Variants in TRPM2 observed in about 807,000 individuals in gnomAD.
TRPM2 encodes transient receptor potential cation channel subfamily M member 2.
A neutral mutation model predicts 174.0 loss-of-function variants in TRPM2; 161 were observed. That is an observed-to-expected ratio of 0.93 (90% CI 0.81 to 1.05). The LOEUF is 1.05. Among genes scored for constraint, TRPM2 ranks in the 50% least tolerant of loss-of-function variants. TRPM2 has a pLI of 0.00. For synonymous variants in TRPM2, 954 were observed against 861.3 expected (o/e 1.11, Z -1.88); for missense variants, 2,057 against 2,038.0 (o/e 1.01, Z -0.18).
intron 27 of TRPM2, among the ~76,000 whole-genome samples, chr21:44,428,125 T>A (rs1314858645): frequency 1.3e-5 from 2 of 152,166 alleles, no homozygotes; most frequent in African/African-American, 2.4e-5. Flanking sequence ...CATGCTTCTG[T>A]TGTGGACTTG....
intron 28 of TRPM2, among the ~76,000 whole-genome samples, chr21:44,436,355 A>G (rs1439701121): frequency 6.6e-6 from 1 of 151,932 alleles, no homozygotes; most frequent in African/African-American, 2.4e-5. Flanking sequence ...CTTTGGCCTC[A>G]GGGTCCTCTT....
rs376562171 is a variant in TRPM2 at position 44,418,508 on chromosome 21, C to T, written c.3414C>T (p.Phe1138=). The change falls in exon 22 of 32, where the codon TTC becomes TTT. Residue 1138 remains phenylalanine (F), a synonymous_variant. Coordinates refer to ENST00000397928, the MANE Select transcript of TRPM2 (RefSeq NM_003307.4). ...LKENYLQNRQ[F]QQKQRPEQKI... is the part of the protein sequence containing the mutation. ...AGAACTACCTCCAGAACCGACAGTTCCAGCAAAAGCAGCGGCCCGAGCAGA... is the reference window on the plus strand; with the variant it reads ...AGAACTACCTCCAGAACCGACAGTTTCAGCAAAAGCAGCGGCCCGAGCAGA... 10 of 1,614,138 alleles carry T rather than the reference C, an allele frequency of 6.2e-6. No homozygotes were observed. The highest frequency in any genetic ancestry group is 8.5e-6 in the Non-Finnish European group (10 of 1,180,020).
At chr21:44,417,039 C>T (rs2050313590) in intron 20 of TRPM2, among the ~76,000 whole-genome samples, 1 of 98,172 alleles carries the variant, frequency 1.0e-5, no homozygotes, top group African/African-American at 4.4e-5. Context: ...GGCACGTGGG[C>T]ATGGCTCTGC....
Position 44,369,171 on chromosome 21 carries a change from C to T in TRPM2, c.605-6C>T. On this transcript the variant is annotated splice_polypyrimidine_tract_variant and splice_region_variant and intron_variant, in intron 4 of 31. Coordinates refer to ENST00000397928, the MANE Select transcript of TRPM2 (RefSeq NM_003307.4). ...TGGGGCCTGCCCACCCGTGCTCCTT[C>T]CCCAGGGGCCTGGATCATCACAGGG... The T allele has an allele frequency of 6.3e-7, 1 of 1,599,148 alleles. No homozygotes were observed. Among genetic ancestry groups the T allele is most frequent in the Non-Finnish European group, 8.5e-7 (1 of 1,171,978 alleles).
intron 5 of TRPM2, among the ~76,000 whole-genome samples, chr21:44,373,583 G>A (rs2048605315): frequency 9.4e-6 from 1 of 106,320 alleles, no homozygotes; most frequent in African/African-American, 2.9e-5. Context: ...TGCATTATAT[G>A]CGACCTGCAT....
At chr21:44,431,742 C>T (rs1042244695) in intron 27 of TRPM2, among the ~76,000 whole-genome samples, 2 of 152,218 alleles carry the variant, frequency 1.3e-5, no homozygotes, top group African/African-American at 4.8e-5. Flanking sequence ...TCCCAATGTG[C>T]TAGGATTACG....
At chr21:44,410,831 G>A (rs144914824) in intron 19 of TRPM2, among the ~76,000 whole-genome samples, 4,559 of 79,348 alleles carry the variant, frequency 0.057, 1,717 homozygotes, top group East Asian at 0.11. Context: ...CTTGGTGAGC[G>A]TAGCCTTGTA....
chr21:44,353,351 G>A, upstream of TRPM2: 1 of 192,144 alleles, frequency 5.2e-6, no homozygotes, highest in Non-Finnish European at 1.1e-5. Flanking sequence ...TGCACCCGTG[G>A]GGGAGGGAGC....
intron 16 of TRPM2, among the ~76,000 whole-genome samples, chr21:44,402,489 G>A (rs941408331): frequency 5.1e-4 from 77 of 152,076 alleles, no homozygotes; most frequent in Non-Finnish European, 2.1e-4. Flanking sequence ...AGAGGCTCGC[G>A]GGCCTTGGTG....
At chr21:44,436,967 ACTGCCCCGCCCCAGGCAGGGC>A in intron 28 of TRPM2, 74 bp from the exon 29 acceptor site, 1 of 1,106,914 alleles carries the variant, frequency 9.0e-7, no homozygotes. Context: ...TGGGCCTGAC[ACTGCCCCGCCCCAGGCAGGGC>A]CAGCCCCGCC....
At chr21:44,406,201 T>C (rs2146299212) in intron 18 of TRPM2, among the ~76,000 whole-genome samples, 164 bp downstream of exon 18, 1 of 152,210 alleles carries the variant, frequency 6.6e-6, no homozygotes, top group East Asian at 1.9e-4. Flanking sequence ...TCTCGTATCT[T>C]TGCCTGTACG....
chr21:44,397,192 C>G (rs2049455780), intron 12 of TRPM2, among the ~76,000 whole-genome samples: 1 of 151,990 alleles, frequency 6.6e-6, no homozygotes, highest in African/African-American at 2.4e-5. Flanking sequence ...GCATGTGCCA[C>G]CACGCCTGGC....
intron 5 of TRPM2, among the ~76,000 whole-genome samples, chr21:44,370,145 C>T (rs903620044): frequency 6.6e-6 from 1 of 152,108 alleles, no homozygotes; most frequent in Admixed American, 6.5e-5. Flanking sequence ...TAAGAGGGGT[C>T]CACGTGACAG....
Position 44,395,405 on chromosome 21 carries a change from GCT to G in TRPM2, c.1795-7_1795-6del. On this transcript the variant is annotated splice_polypyrimidine_tract_variant and splice_region_variant and intron_variant, in intron 11 of 31. Transcript: ENST00000397928. ...CCGGCTGGGGCTCTGACAGTTCACT[GCT>G]CACCAGGTGCAGGGAGTGAGCCTCC... 1 of 1,612,328 alleles carries G rather than the reference GCT, an allele frequency of 6.2e-7. No homozygotes were observed. Among genetic ancestry groups the G allele is most frequent in the Non-Finnish European group, 8.5e-7 (1 of 1,179,796 alleles).
chr21:44,364,051 T>G, intron 2 of TRPM2, 63 bp from the exon 3 acceptor site: 1 of 1,541,452 alleles, frequency 6.5e-7, no homozygotes, highest in East Asian at 2.3e-5. Context: ...CCTCCTCTGA[T>G]GCCTTCACAG....
At chr21:44,383,746 A>C (rs2048947510) in intron 9 of TRPM2, among the ~76,000 whole-genome samples, 1 of 152,262 alleles carries the variant, frequency 6.6e-6, no homozygotes, top group South Asian at 2.1e-4. Context: ...TGTGGAAACT[A>C]AACGACACTA....
At chr21:44,398,052 A>G (rs1249490544) in intron 13 of TRPM2, among the ~76,000 whole-genome samples, 176 bp downstream of exon 13, 2 of 152,026 alleles carry the variant, frequency 1.3e-5, no homozygotes, top group African/African-American at 2.4e-5. Context: ...CCCTGTAACC[A>G]CCCAGTGGGT....
intron 24 of TRPM2, 181 bp downstream of exon 24, chr21:44,425,120 G>A (rs985578156): frequency 2.0e-5 from 12 of 607,206 alleles, no homozygotes; most frequent in African/African-American, 1.1e-4. Flanking sequence ...CGACGCTGGC[G>A]CCGAGGCCCC....
Position 44,441,919 on chromosome 21 carries a change from C to T in TRPM2, c.*102C>T. The T allele has an allele frequency of 7.1e-7, 1 of 1,418,434 alleles. No homozygotes were observed. Among genetic ancestry groups the T allele is most frequent in the South Asian group, 1.7e-5 (1 of 60,472 alleles). 87.9% of individuals were successfully genotyped at this position (1,418,434 alleles called of 1,614,324 possible). On this transcript the variant is annotated 3_prime_UTR_variant, in exon 32 of 32. Transcript: ENST00000397928. ...CCAGGACTCAGGCTGTTCCTGGGCC[C>T]TGCACATGATGGGGTTTGGTGGACC... is the stretch of plus-strand genomic sequence containing the variant.
Sources: gnomAD v4.1 joint callset for allele counts (sites outside exome capture counted in the v4.1 genomes callset) on GRCh38, gnomAD v4.1.1 for gene constraint, MANE v1.5 for transcripts, NCBI Gene and HGNC (gene_info 2026-07-23, HGNC 2026-07-21) for gene names.